The following PTPN11 variants were observed in gnomAD, a reference collection of about 807,000 sequenced individuals.
PTPN11 encodes protein tyrosine phosphatase non-receptor type 11.
PTPN11 carries 6 observed loss-of-function variants against 78.8 expected under a neutral mutation model. That is an observed-to-expected ratio of 0.08 (90% confidence interval 0.04 to 0.15). The LOEUF (loss-of-function observed/expected upper bound fraction) is 0.15, where lower values mean the gene tolerates loss of function less well. PTPN11 is among the 10% of genes least tolerant of loss of function. PTPN11 has a pLI of 1.00. For missense variants in PTPN11, 386 were observed against 744.8 expected (o/e 0.52, Z 5.61); for synonymous variants, 221 against 263.5 (o/e 0.84, Z 1.56).
intron 7 of PTPN11, among the ~76,000 whole-genome samples, chr12:112,475,145 T>C (rs1369460537): frequency 6.6e-6 from 1 of 152,220 alleles, no homozygotes; most frequent in Non-Finnish European, 1.5e-5. Context: ...GCATTCGTAG[T>C]ATCCTGGTTT....
At chr12:112,483,187 C>CTT (rs576813489) in intron 10 of PTPN11, among the ~76,000 whole-genome samples, 9 of 130,802 alleles carry the variant, frequency 6.9e-5, no homozygotes, top group Non-Finnish European at 1.2e-4. Flanking sequence ...GGGGAAGGGA[C>CTT]TTTTTTTTTT....
Position 112,456,458 on chromosome 12 carries a change from CTT to C in PTPN11, c.756+412_756+413del, listed in dbSNP as rs11320404. 3.7e-3 allele frequency among the ~76,000 whole-genome samples: 457 copies of C among 124,496 alleles called. 3 individuals are homozygous for C. The highest frequency in any genetic ancestry group is 0.011 in the African/African-American group (377 of 33,774). The allele number at this position is 124,496 out of a possible 152,430, so 81.7% of individuals were successfully genotyped here. The stretch of plus-strand genomic sequence containing the variant: ...GTAAAAGAGAAACACCTTGTGGTGG[CTT>C]TTTTTTTTTTTTTTTTGAGACAGGG... On this transcript the variant is annotated intron_variant, in intron 6 of 15. Coordinates refer to ENST00000351677, the MANE Select transcript of PTPN11 (RefSeq NM_002834.5).
intron 5 of PTPN11, among the ~76,000 whole-genome samples, 157 bp from the exon 6 acceptor site, chr12:112,455,793 G>T (rs1388306029): frequency 6.6e-6 from 1 of 151,342 alleles, no homozygotes; most frequent in Non-Finnish European, 1.5e-5. Context: ...ACGGTGAAAC[G>T]ATTTGAAAAC....
chr12:112,468,433 C>T (rs896628830), intron 6 of PTPN11, among the ~76,000 whole-genome samples: 1 of 152,166 alleles, frequency 6.6e-6, no homozygotes, highest in Non-Finnish European at 1.5e-5. Flanking sequence ...TGGAAAGTCA[C>T]AACTTCTGAA....
rs1217164268 is a variant in PTPN11, at chr12:112,509,571, C to G, written c.*3779C>G. ...TGTAATATTTTATTGATAAATCTATCCTTTAAAAGGAATACGTTTTAGGAT... is the reference window on the plus strand; with the variant it reads ...TGTAATATTTTATTGATAAATCTATGCTTTAAAAGGAATACGTTTTAGGAT... On this transcript the variant is annotated 3_prime_UTR_variant, in exon 16 of 16. Coordinates refer to ENST00000351677, the MANE Select transcript of PTPN11 (RefSeq NM_002834.5). 2 of 152,668 alleles carry G rather than the reference C, an allele frequency of 1.3e-5. No individual in the cohort carries two copies. Among genetic ancestry groups the G allele is most frequent in the East Asian group, 1.9e-4 (1 of 5,188 alleles). 9.5% of individuals were successfully genotyped at this position (152,668 alleles called of 1,614,324 possible). A position where few individuals can be genotyped will look rare whatever the true frequency, so the allele number is the denominator to read the frequency against.
At chr12:112,467,898 G>A (rs1249300806) in intron 6 of PTPN11, among the ~76,000 whole-genome samples, 1 of 152,028 alleles carries the variant, frequency 6.6e-6, no homozygotes, top group Non-Finnish European at 1.5e-5. Flanking sequence ...CTTCCTTTAG[G>A]CCCCACCTCC....
At chr12:112,475,494 A>G (rs370101816) in intron 7 of PTPN11, among the ~76,000 whole-genome samples, 125 of 152,252 alleles carry the variant, frequency 8.2e-4, no homozygotes, top group African/African-American at 2.9e-3. Context: ...GGCTCAAGCA[A>G]TCCTCCTGCT....
Position 112,477,631 on chromosome 12 carries a change from G to A in PTPN11, c.854-20G>A, listed in dbSNP as rs756424880. ...GAAGCAGTCCAGGACTTATGTGACC[G>A]TGGTCTCTTTTTCTTCTAGTTGATC... On this transcript the variant is annotated intron_variant, in intron 7 of 15. Transcript: ENST00000351677. The A allele has an allele frequency of 1.3e-5, 21 of 1,586,756 alleles. 1 individual carries two copies. The highest frequency in any genetic ancestry group is 1.2e-4 in the South Asian group (11 of 90,468).
chr12:112,457,900 G>C (rs990145454), intron 6 of PTPN11, among the ~76,000 whole-genome samples: 1 of 152,140 alleles, frequency 6.6e-6, no homozygotes, highest in Admixed American at 6.6e-5. Context: ...CATGTAGCAC[G>C]GTGCCTAGTA....
At chr12:112,434,086 C>A (rs753611927) in intron 1 of PTPN11, among the ~76,000 whole-genome samples, 1 of 151,990 alleles carries the variant, frequency 6.6e-6, no homozygotes, top group Non-Finnish European at 1.5e-5. Context: ...TGAGACCAGG[C>A]AGAGCAAGAT....
chr12:112,438,116 C>T (rs1163210776), intron 1 of PTPN11, among the ~76,000 whole-genome samples: 1 of 151,914 alleles, frequency 6.6e-6, no homozygotes, highest in Non-Finnish European at 1.5e-5. Flanking sequence ...CAATTTTAGG[C>T]CTGCCACTAG....
intron 6 of PTPN11, among the ~76,000 whole-genome samples, chr12:112,467,642 G>A (rs1367977596): frequency 2.6e-5 from 4 of 152,112 alleles, no homozygotes; most frequent in Non-Finnish European, 4.4e-5. Flanking sequence ...CTACAGGCGC[G>A]CATCACAATG....
intron 13 of PTPN11, among the ~76,000 whole-genome samples, chr12:112,490,789 TA>T (rs1459168242): frequency 1.3e-5 from 2 of 152,184 alleles, no homozygotes; most frequent in African/African-American, 4.8e-5. Flanking sequence ...TTATTTATTT[TA>T]AAAAATGAAA....
At chr12:112,495,098 G>C (rs1045331339) in intron 13 of PTPN11, among the ~76,000 whole-genome samples, 4 of 152,132 alleles carry the variant, frequency 2.6e-5, no homozygotes, top group Non-Finnish European at 5.9e-5. Context: ...CTGTATAACA[G>C]AGTGAGTTCC....
In PTPN11 at chr12:112,455,988, A is replaced by G; in HGVS notation, c.681A>G (p.Glu227=). ...CTCGTATAAATGCTGCTGAAATAGAAAGCAGAGTTCGAGAACTAAGCAAAT... is the reference window on the plus strand; with the variant it reads ...CTCGTATAAATGCTGCTGAAATAGAGAGCAGAGTTCGAGAACTAAGCAAAT... ...NTTRINAAEI[E]SRVRELSKLA... Residue 227 remains glutamate, a synonymous_variant, in exon 6 of 16, where the codon GAA becomes GAG. Coordinates refer to ENST00000351677, the MANE Select transcript of PTPN11 (RefSeq NM_002834.5). 1 of 1,612,668 alleles carries G rather than the reference A, an allele frequency of 6.2e-7. No homozygotes were observed. Among genetic ancestry groups the G allele is most frequent in the Non-Finnish European group, 8.5e-7 (1 of 1,179,000 alleles).
intron 1 of PTPN11, among the ~76,000 whole-genome samples, chr12:112,441,126 G>A (rs1289858961): frequency 3.3e-5 from 5 of 151,624 alleles, no homozygotes; most frequent in Non-Finnish European, 5.9e-5. Flanking sequence ...CACCATGCCC[G>A]GCTGATTTTG....
intron 13 of PTPN11, among the ~76,000 whole-genome samples, chr12:112,489,653 A>G (rs1197400779): frequency 4.6e-5 from 7 of 152,226 alleles, no homozygotes; most frequent in African/African-American, 1.7e-4. Context: ...ATGAAGAGGA[A>G]TGTGGAATTG....
chr12:112,421,919 C>T (rs959725756), intron 1 of PTPN11, among the ~76,000 whole-genome samples: 7 of 152,172 alleles, frequency 4.6e-5, no homozygotes, highest in African/African-American at 9.7e-5. Flanking sequence ...TGAGCTATTG[C>T]GTCCCGCCTT....
In PTPN11 at chr12:112,446,267, C is replaced by T. The variant is rs746452065; in HGVS notation, c.15-9C>T. 1 of 1,613,856 alleles carries T rather than the reference C, an allele frequency of 6.2e-7. No individual in the cohort carries two copies. The highest frequency in any genetic ancestry group is 8.5e-7 in the Non-Finnish European group (1 of 1,179,834). ...TTTTTTTATTACTTACTTTGTCTTT[C>T]TTTTTAAGATGGTTTCACCCAAATA... is the stretch of plus-strand genomic sequence containing the variant. On this transcript the variant is annotated splice_polypyrimidine_tract_variant and intron_variant, in intron 1 of 15. Coordinates refer to ENST00000351677, the MANE Select transcript of PTPN11 (RefSeq NM_002834.5).
Sources: allele counts gnomAD v4.1 joint callset (sites outside exome capture counted in the v4.1 genomes callset), GRCh38; gene constraint gnomAD v4.1.1; transcripts MANE v1.5; gene names NCBI Gene and HGNC (gene_info 2026-07-23, HGNC 2026-07-21).